FYN: variants seen among roughly 807,000 people sequenced by gnomAD.
FYN encodes the protein tyrosine-protein kinase Fyn.
Under a neutral mutation model 70.2 loss-of-function variants are expected in FYN, and 10 were observed. The observed-to-expected ratio is 0.14, with a 90% CI of 0.09 to 0.24. The LOEUF is 0.24. FYN is among the 10% of genes least tolerant of loss of function. The probability of loss-of-function intolerance (pLI) is 1.00; values close to 1 mark genes in which losing one functional copy is unlikely to be tolerated. For synonymous variants in FYN, 236 were observed against 248.6 expected, an observed-to-expected ratio of 0.95 and a Z score of 0.48; for missense variants, 319 against 673.1, an observed-to-expected ratio of 0.47 and a Z score of 5.82.
Position 111,678,106 on chromosome 6 carries a change from A to ATGTGTG in FYN, c.1274-3477_1274-3476insCACACA, listed in dbSNP as rs201367268. 6.0e-4 allele frequency among the ~76,000 whole-genome samples: 71 copies of ATGTGTG among 118,612 alleles called. 1 individual carries two copies. The highest frequency in any genetic ancestry group is 2.5e-3 in the African/African-American group (57 of 22,930). The allele number at this position is 118,612 out of a possible 152,430, so 77.8% of individuals were successfully genotyped here. A position where few individuals can be genotyped will look rare whatever the true frequency, so the allele number is the denominator to read the frequency against. ...GATAAGCCAATACACGAAGGCCATA[A>ATGTGTG]TATGTGTGTGTGTGTGTGTGTGTGT... On this transcript the variant is annotated intron_variant, in intron 12 of 13. Transcript: ENST00000354650.
intron 12 of FYN, among the ~76,000 whole-genome samples, chr6:111,685,830 G>A (rs2128422586): frequency 6.6e-6 from 1 of 152,314 alleles, no homozygotes; most frequent in East Asian, 1.9e-4. Flanking sequence ...AAAGGAGAAA[G>A]AGATGCTCAC....
rs556225257 is a variant in FYN at position 111,854,721 on chromosome 6, T to A, written c.-122-8092A>T. 8.4e-4 allele frequency among the ~76,000 whole-genome samples: 128 copies of A among 152,334 alleles called. 1 individual carries two copies. The highest frequency in any genetic ancestry group is 2.9e-3 in the African/African-American group (120 of 41,568). ...CTAAAAAGAAAAAGAAAATGCAAGT[T>A]TAATAAAAAATTAAGTACCAAATTT... is the stretch of plus-strand genomic sequence containing the variant. On this transcript the variant is annotated intron_variant, in intron 1 of 13. Transcript: ENST00000354650.
At chr6:111,706,724 A>G (rs1292195148) in intron 6 of FYN, among the ~76,000 whole-genome samples, 1 of 152,252 alleles carries the variant, frequency 6.6e-6, no homozygotes, top group East Asian at 1.9e-4. Context: ...TAAAAAGTTG[A>G]CCATTATAAA....
At chr6:111,667,004 C>T (rs994065909) in intron 13 of FYN, among the ~76,000 whole-genome samples, 1 of 152,174 alleles carries the variant, frequency 6.6e-6, no homozygotes, top group Non-Finnish European at 1.5e-5. Flanking sequence ...AGACTGTGCT[C>T]ACTTCCTGCC....
chr6:111,692,740 A>G (rs1202421022), intron 12 of FYN, among the ~76,000 whole-genome samples: 1 of 151,850 alleles, frequency 6.6e-6, no homozygotes, highest in Non-Finnish European at 1.5e-5. Flanking sequence ...ACCTTTGCCC[A>G]CTCTCCTTCT....
At chr6:111,666,501 A>G (rs1798014053) in intron 13 of FYN, among the ~76,000 whole-genome samples, 1 of 152,104 alleles carries the variant, frequency 6.6e-6, no homozygotes, top group East Asian at 1.9e-4. Flanking sequence ...GTCTCTCTAG[A>G]ATTGCTCAGG....
At chr6:111,723,459 T>C (rs760597637) in intron 3 of FYN, among the ~76,000 whole-genome samples, 12 of 152,252 alleles carry the variant, frequency 7.9e-5, no homozygotes, top group Non-Finnish European at 1.5e-4. Flanking sequence ...GCATTTGACA[T>C]TCTGAGTTAA....
chr6:111,692,891 G>A (rs140415654), intron 12 of FYN, among the ~76,000 whole-genome samples: 4 of 152,334 alleles, frequency 2.6e-5, no homozygotes, highest in Non-Finnish European at 5.9e-5. Flanking sequence ...TGGACGGCCA[G>A]TGCCAATCAA....
At chr6:111,701,586 T>A (rs1311386012) in intron 8 of FYN, among the ~76,000 whole-genome samples, 1 of 152,022 alleles carries the variant, frequency 6.6e-6, no homozygotes, top group African/African-American at 2.4e-5. Context: ...AAAAAAAGTG[T>A]CTATTGTTCA....
At chr6:111,786,309 G>C (rs1469988683) in intron 2 of FYN, among the ~76,000 whole-genome samples, 1 of 151,820 alleles carries the variant, frequency 6.6e-6, no homozygotes, top group Non-Finnish European at 1.5e-5. Flanking sequence ...AACATGCGGT[G>C]TTTGGTTTTT....
intron 13 of FYN, among the ~76,000 whole-genome samples, chr6:111,665,586 A>G (rs1797957987): frequency 6.6e-6 from 1 of 152,046 alleles, no homozygotes; most frequent in South Asian, 2.1e-4. Context: ...CTTGAGAGAC[A>G]TGGGTACACT....
chr6:111,850,298 T>C (rs1773648620), intron 1 of FYN, among the ~76,000 whole-genome samples: 1 of 152,236 alleles, frequency 6.6e-6, no homozygotes, highest in South Asian at 2.1e-4. Flanking sequence ...GTCTTCTCTA[T>C]TTCAAATTCA....
intron 6 of FYN, among the ~76,000 whole-genome samples, chr6:111,705,043 C>T (rs2128447594): frequency 6.6e-6 from 1 of 152,222 alleles, no homozygotes. Context: ...GCCTGGGCAA[C>T]AGAGCGAGAC....
At chr6:111,816,537 A>T (rs2114338713) in intron 2 of FYN, among the ~76,000 whole-genome samples, 1 of 152,356 alleles carries the variant, frequency 6.6e-6, no homozygotes, top group African/African-American at 2.4e-5. Context: ...TCCATAGATC[A>T]TAAGGAGGTC....
intron 3 of FYN, among the ~76,000 whole-genome samples, chr6:111,754,969 T>G (rs1204669647): frequency 1.9e-4 from 7 of 37,032 alleles, no homozygotes; most frequent in Non-Finnish European, 4.2e-4. Flanking sequence ...ATTTAAGCTG[T>G]TTTTTTTTTT....
chr6:111,840,222 C>T (rs1197813103), intron 2 of FYN, among the ~76,000 whole-genome samples: 1 of 152,196 alleles, frequency 6.6e-6, no homozygotes. Context: ...TATTCACTTC[C>T]TAATCCCTTT....
intron 3 of FYN, among the ~76,000 whole-genome samples, chr6:111,742,489 C>G (rs1285086594): frequency 6.6e-6 from 1 of 152,216 alleles, no homozygotes; most frequent in Non-Finnish European, 1.5e-5. Context: ...TCAGCAACTT[C>G]TAACCCCAAA....
At chr6:111,786,331 T>C (rs939228206) in intron 2 of FYN, among the ~76,000 whole-genome samples, 2 of 152,022 alleles carry the variant, frequency 1.3e-5, no homozygotes, top group South Asian at 4.1e-4. Flanking sequence ...GTCCTTGTGA[T>C]AGTTTGCTGA....
intron 2 of FYN, among the ~76,000 whole-genome samples, chr6:111,838,264 G>A (rs1773250500): frequency 6.6e-6 from 1 of 152,122 alleles, no homozygotes; most frequent in African/African-American, 2.4e-5. Context: ...GGACATCCAG[G>A]GACCTCTCCA....
Sources: allele counts gnomAD v4.1 joint callset (sites outside exome capture counted in the v4.1 genomes callset), GRCh38; gene constraint gnomAD v4.1.1; transcripts MANE v1.5; gene names NCBI Gene and HGNC (gene_info 2026-07-23, HGNC 2026-07-21).